The following KCTD10 variants were observed in gnomAD, a reference collection of about 807,000 sequenced individuals.
The protein encoded by KCTD10 is BTB/POZ domain-containing adapter for CUL3-mediated RhoA degradation protein 3.
Under a neutral mutation model 34.6 loss-of-function variants are expected in KCTD10, and 13 were observed. That is an observed-to-expected ratio of 0.38 (90% CI 0.24 to 0.60). The LOEUF (loss-of-function observed/expected upper bound fraction) is 0.60. Among genes scored for constraint, KCTD10 ranks in the 20% least tolerant of loss-of-function variants. The probability of loss-of-function intolerance (pLI) is 0.66; values close to 1 mark genes in which losing one functional copy is unlikely to be tolerated. For missense variants in KCTD10, 256 were observed against 420.3 expected (o/e 0.61, Z 3.42); for synonymous variants, 156 against 168.8 (o/e 0.92, Z 0.59).
chr12:109,474,869 G>A lies in KCTD10; in HGVS notation c.3+2391C>T, dbSNP rs368703219. Among the ~76,000 whole-genome samples, 6 of 152,234 alleles carry A rather than the reference G, an allele frequency of 3.9e-5. No individual in the cohort carries two copies. In the South Asian group the frequency reaches 8.3e-4, roughly 21 times the overall value. ...AAACGCACCAAATCCCTGACCCCAC[G>A]TTTTCTATATGCTTCTCTGTAGAAG... On this transcript the variant is annotated intron_variant, in intron 1 of 6. Coordinates refer to ENST00000228495, the MANE Select transcript of KCTD10 (RefSeq NM_031954.5).
chr12:109,464,901 T>C (rs1417327379), intron 2 of KCTD10: 3 of 453,944 alleles, frequency 6.6e-6, no homozygotes, highest in Admixed American at 2.4e-5. Flanking sequence ...TCTAAGGAAG[T>C]AGAAGATGCT....
In KCTD10 at chr12:109,450,643, G is replaced by A. The variant is rs1480832147; in HGVS notation, c.*952C>T. The A allele has an allele frequency of 5.9e-6, 2 of 337,674 alleles. No homozygotes were observed. Among genetic ancestry groups the A allele is most frequent in the Admixed American group, 4.8e-5 (1 of 20,620 alleles). The allele number at this position is 337,674 out of a possible 1,614,324, so 20.9% of individuals were successfully genotyped here. A position where few individuals can be genotyped will look rare whatever the true frequency, so the allele number is the denominator to read the frequency against. ...GCCACACTGAATTTCTAAGCAAAAT[G>A]ACTTAGAAAGTTAGCCCAGCTTCAT... On this transcript the variant is annotated 3_prime_UTR_variant, in exon 7 of 7. Transcript: ENST00000228495.
chr12:109,458,939 C>G (rs1873170038), intron 3 of KCTD10: 1 of 152,348 alleles, frequency 6.6e-6, no homozygotes, highest in Admixed American at 6.5e-5. Context: ...CATGCACAAA[C>G]AGCTTTCAGA....
intron 1 of KCTD10, 137 bp from the exon 2 acceptor site, chr12:109,469,865 A>T (rs12819658): frequency 0.18 from 251,542 of 1,436,668 alleles, 22,402 homozygotes; most frequent in Middle Eastern, 0.19. Context: ...TCCAATGTGG[A>T]CAACTAAGGA....
At chr12:109,466,689 TC>T (rs1873608901) in intron 2 of KCTD10, among the ~76,000 whole-genome samples, 1 of 152,160 alleles carries the variant, frequency 6.6e-6, no homozygotes, top group Non-Finnish European at 1.5e-5. Flanking sequence ...GGATGCCAGG[TC>T]CCCTCTCCTG....
At position 109,451,514 on chromosome 12, in the gene KCTD10, C is replaced by T; in HGVS notation, c.*81G>A. 3 of 1,364,538 alleles carry T rather than the reference C, an allele frequency of 2.2e-6. No individual in the cohort carries two copies. The highest frequency in any genetic ancestry group is 2.8e-5 in the South Asian group (2 of 71,720). 84.5% of individuals were successfully genotyped at this position (1,364,538 alleles called of 1,614,324 possible). On this transcript the variant is annotated 3_prime_UTR_variant, in exon 7 of 7. Transcript: ENST00000228495. The surrounding 1 kb of genome is among the most constrained non-coding windows in gnomAD (Gnocchi z 5.0). ...AGGCTCCAAGGGAAGCAGAAGGGGC[C>T]CGGCAGCCTGCACAGGATCTGGGTG...
rs149451813 is a variant in KCTD10 at position 109,449,450 on chromosome 12, G to C, written c.*2145C>G. ...AAACATTTAAAACACTATGCAGCCAGGTGTGGTGACTCACACCTGTAATCC... is the reference window on the plus strand; with the variant it reads ...AAACATTTAAAACACTATGCAGCCACGTGTGGTGACTCACACCTGTAATCC... On this transcript the variant is annotated 3_prime_UTR_variant, in exon 7 of 7. Coordinates refer to ENST00000228495, the MANE Select transcript of KCTD10 (RefSeq NM_031954.5). 2.6e-5 allele frequency: 4 copies of C among 152,344 alleles called. No homozygotes were observed. Among genetic ancestry groups the C allele is most frequent in the Non-Finnish European group, 5.9e-5 (4 of 68,062 alleles). 9.4% of individuals were successfully genotyped at this position (152,344 alleles called of 1,614,324 possible). A position where few individuals can be genotyped will look rare whatever the true frequency, so the allele number is the denominator to read the frequency against.
In KCTD10 at chr12:109,469,708, A is replaced by G. The variant is rs752693063; in HGVS notation, c.24T>C (p.Ser8=). 5 of 1,614,156 alleles carry G rather than the reference A, an allele frequency of 3.1e-6. No individual in the cohort carries two copies. The Middle Eastern group carries it at 6.6e-4, about 213-fold the overall frequency. The change falls in exon 2 of 7, where the codon AGT becomes AGC. Residue 8 remains serine (S), a synonymous_variant. Transcript: ENST00000228495. MEEMSGE[S]VVSSAVPAAA... The stretch of plus-strand genomic sequence containing the variant: ...CCGCTGGCACCGCTGAGCTCACCAC[A>G]CTTTCTCCTGACATCTCTTCCTGCC...
Position 109,449,909 on chromosome 12 carries a change from TA to T in KCTD10, c.*1685del, listed in dbSNP as rs1185835638. On this transcript the variant is annotated 3_prime_UTR_variant, in exon 7 of 7. Transcript: ENST00000228495. ...TTAATAAAATCCAAATGGCCTAATA[TA>T]AAAGTTTCTCACACGACAGTTTAAA... 3.3e-5 allele frequency: 6 copies of T among 179,374 alleles called. No homozygotes were observed. Among genetic ancestry groups the T allele is most frequent in the African/African-American group, 1.4e-4 (6 of 41,596 alleles). The allele number at this position is 179,374 out of a possible 1,614,324, so 11.1% of individuals were successfully genotyped here.
rs908110597 is a variant in KCTD10, at chr12:109,460,474, G to A, written c.387+162C>T. 41 of 690,212 alleles carry A rather than the reference G, an allele frequency of 5.9e-5. No individual in the cohort carries two copies. Among genetic ancestry groups the A allele is most frequent in the Non-Finnish European group, 7.9e-5 (33 of 416,906 alleles). 42.8% of individuals were successfully genotyped at this position (690,212 alleles called of 1,614,324 possible). A position where few individuals can be genotyped will look rare whatever the true frequency, so the allele number is the denominator to read the frequency against. ...CTGCTGTTCCAGGGAGGCCTCTCAG[G>A]GGTCACTCCAACCGAAGGAATCGGG... is the stretch of plus-strand genomic sequence containing the variant. On this transcript the variant is annotated intron_variant, in intron 3 of 6. Transcript: ENST00000228495. The surrounding 1 kb of genome is among the most constrained non-coding windows in gnomAD (Gnocchi z 4.5).
At chr12:109,458,933 CACAA>C (rs896879389) in intron 3 of KCTD10, 2 of 152,346 alleles carry the variant, frequency 1.3e-5, no homozygotes, top group Non-Finnish European at 2.9e-5. Flanking sequence ...ACCTTCCATG[CACAA>C]ACAGCTTTCA....
chr12:109,464,967 A>G, intron 2 of KCTD10: 1 of 411,256 alleles, frequency 2.4e-6, no homozygotes, highest in South Asian at 1.7e-5. Context: ...ACAGTGGGTA[A>G]GATCTTAAAG....
rs1872624597 is a variant in KCTD10, at chr12:109,449,012, A to ACAAG, written c.*2582_*2583insCTTG. ...CAGATGGCTTATTTGAAACAAACAA[A>ACAAG]CAAAAAAAACCCTTGATTACGACAC... On this transcript the variant is annotated 3_prime_UTR_variant, in exon 7 of 7. Transcript: ENST00000228495. 1 of 152,136 alleles carries ACAAG rather than the reference A, an allele frequency of 6.6e-6. No individual in the cohort carries two copies. Among genetic ancestry groups the ACAAG allele is most frequent in the African/African-American group, 2.4e-5 (1 of 41,386 alleles). The allele number at this position is 152,136 out of a possible 1,614,324, so 9.4% of individuals were successfully genotyped here. A position where few individuals can be genotyped will look rare whatever the true frequency, so the allele number is the denominator to read the frequency against.
At chr12:109,462,260 C>T (rs1448419040) in intron 2 of KCTD10, among the ~76,000 whole-genome samples, 1 of 152,258 alleles carries the variant, frequency 6.6e-6, no homozygotes, top group African/African-American at 2.4e-5. Context: ...CCAGGTTCCC[C>T]TGATGAAACA....
intron 1 of KCTD10, among the ~76,000 whole-genome samples, chr12:109,474,135 G>C (rs967671247): frequency 6.6e-6 from 1 of 151,564 alleles, no homozygotes; most frequent in Non-Finnish European, 1.5e-5. Context: ...GGCTGGTCTC[G>C]AACTCCCGAC....
chr12:109,469,877 AGCTC>A, intron 1 of KCTD10, 149 bp from the exon 2 acceptor site: 1 of 1,412,332 alleles, frequency 7.1e-7, no homozygotes, highest in Non-Finnish European at 9.3e-7. Context: ...AACTAAGGAG[AGCTC>A]ACAGAAAAAT....
intron 2 of KCTD10, chr12:109,469,101 T>C (rs924844762): frequency 4.0e-5 from 9 of 223,802 alleles, no homozygotes; most frequent in Admixed American, 1.6e-4. Context: ...GGGGAGGGTA[T>C]TGTCATGCCC....
At position 109,469,679 on chromosome 12, in the gene KCTD10, GCAGCCGCTGGCA is replaced by G; in HGVS notation, c.41_52del (p.Val14_Ala17del). Reference sequence around the variant, plus strand: ...GCCCTTGAAGGAAGTGGTGCGGGTAGCAGCCGCTGGCACCGCTGAGCTCACCACACTTTCTCC... The same window carrying G: ...GCCCTTGAAGGAAGTGGTGCGGGTAGCCGCTGAGCTCACCACACTTTCTCC... On this transcript the variant is annotated inframe_deletion, in exon 2 of 7. Transcript: ENST00000228495. 6.2e-7 allele frequency: 1 copy of G among 1,613,866 alleles called. No individual in the cohort carries two copies. Among genetic ancestry groups the G allele is most frequent in the Admixed American group, 1.7e-5 (1 of 60,026 alleles).
chr12:109,450,262 T>C lies in KCTD10; in HGVS notation c.*1333A>G, dbSNP rs1367106709. The C allele has an allele frequency of 1.5e-5, 6 of 398,566 alleles. No individual in the cohort carries two copies. Among genetic ancestry groups the C allele is most frequent in the Non-Finnish European group, 2.7e-5 (6 of 226,106 alleles). The allele number at this position is 398,566 out of a possible 1,614,324, so 24.7% of individuals were successfully genotyped here. On this transcript the variant is annotated 3_prime_UTR_variant, in exon 7 of 7. Transcript: ENST00000228495. ...ACCCCTGTCAGTCACGACTCACTCCTGTTCCTTTGCAGGTGCAGAGGAGCC... is the reference window on the plus strand; with the variant it reads ...ACCCCTGTCAGTCACGACTCACTCCCGTTCCTTTGCAGGTGCAGAGGAGCC...
Sources: gnomAD v4.1 joint callset for allele counts (sites outside exome capture counted in the v4.1 genomes callset) on GRCh38, gnomAD v4.1.1 for gene constraint, Gnocchi (gnomAD v3.1) non-coding constraint, MANE v1.5 for transcripts, NCBI Gene and HGNC (gene_info 2026-07-23, HGNC 2026-07-21) for gene names.